Variants in CD163L1 observed in about 807,000 individuals in gnomAD.
CD163L1 encodes scavenger receptor cysteine-rich type 1 protein M160.
In CD163L1, 124 loss-of-function variants were observed where a neutral mutation model predicts 165.4. That is an observed-to-expected ratio of 0.75 (90% confidence interval 0.65 to 0.87). CD163L1 has a LOEUF of 0.87. Ranked by LOEUF, CD163L1 falls within the 40% of genes least tolerant of loss-of-function variation. The pLI is 0.00. For missense variants in CD163L1, 1,525 were observed against 1,799.9 expected (o/e 0.85, Z 2.76); for synonymous variants, 585 against 662.2 (o/e 0.88, Z 1.79).
chr12:7,357,242 T>C (rs926380132), intron 19 of CD163L1, 138 bp downstream of exon 19: 7 of 562,360 alleles, frequency 1.2e-5, no homozygotes, highest in South Asian at 7.1e-5. Context: ...GAGGTTAACA[T>C]AGAATATTTG....
At chr12:7,428,585 C>T (rs1207323628) in intron 4 of CD163L1, among the ~76,000 whole-genome samples, 1 of 152,040 alleles carries the variant, frequency 6.6e-6, no homozygotes, top group East Asian at 1.9e-4. Context: ...TTACCAGCTT[C>T]TGGACTAAAG....
chr12:7,383,046 C>T (rs940702955), intron 8 of CD163L1, among the ~76,000 whole-genome samples: 2 of 152,184 alleles, frequency 1.3e-5, no homozygotes, highest in Non-Finnish European at 2.9e-5. Flanking sequence ...CTGATAGCAA[C>T]CCCACTTCCT....
In CD163L1 at chr12:7,357,483, T is replaced by C. The variant is rs1414167484; in HGVS notation, c.4283A>G (p.Asp1428Gly). The C allele has an allele frequency of 1.9e-6, 3 of 1,612,344 alleles. No homozygotes were observed. Residue 1428 changes from aspartate to glycine, a missense_variant, in exon 19 of 20, where the codon GAC becomes GGC. Physicochemically the swap from Asp to Gly is moderately conservative, Grantham distance 94. Transcript: ENST00000313599. ...ATCTTCACAACCATGGTTGGGGGTG[T>C]CATCTGAAAGAAAGGCAAAATCTGT... is the stretch of plus-strand genomic sequence containing the variant. The part of the protein sequence containing the change: ...EDPHGTRTSD[D>G]TPNHGCEDAS...
chr12:7,409,822 C>A (rs1948098464), intron 4 of CD163L1, among the ~76,000 whole-genome samples: 1 of 152,182 alleles, frequency 6.6e-6, no homozygotes. Context: ...TAAGATTATA[C>A]TACACCTCCA....
At chr12:7,379,501 A>G (rs1454311877) in intron 8 of CD163L1, among the ~76,000 whole-genome samples, 1 of 152,268 alleles carries the variant, frequency 6.6e-6, no homozygotes, top group Non-Finnish European at 1.5e-5. Flanking sequence ...TAAAATAACA[A>G]AAGTACACCA....
At chr12:7,385,354 C>T (rs1465529593) in intron 8 of CD163L1, among the ~76,000 whole-genome samples, 1 of 151,534 alleles carries the variant, frequency 6.6e-6, no homozygotes, top group African/African-American at 2.4e-5. Context: ...AGCACTCAGA[C>T]ATATAAAGCA....
intron 4 of CD163L1, among the ~76,000 whole-genome samples, chr12:7,348,718 AG>A (rs1946687274): frequency 6.6e-6 from 1 of 152,154 alleles, no homozygotes; most frequent in Non-Finnish European, 1.5e-5. Context: ...ACTTAAAACA[AG>A]GCTTTACATA....
the CD163L1 span, chr12:7,323,473 T>G: frequency 6.2e-7 from 1 of 1,613,882 alleles, no homozygotes; most frequent in Admixed American, 1.7e-5. Context: ...TAGATGAAAA[T>G]GGCAATGTTC....
At chr12:7,348,521 T>C (rs1355411983) in intron 4 of CD163L1, among the ~76,000 whole-genome samples, 2 of 152,186 alleles carry the variant, frequency 1.3e-5, no homozygotes, top group African/African-American at 4.8e-5. Context: ...TGCCATTTAG[T>C]ATATAGCTAT....
At chr12:7,421,048 T>TA (rs1491151771) in intron 4 of CD163L1, among the ~76,000 whole-genome samples, 1 of 85,878 alleles carries the variant, frequency 1.2e-5, no homozygotes, top group African/African-American at 7.8e-5. Context: ...TGTATATATA[T>TA]GTATATACGT....
chr12:7,421,458 TATATAC>T lies in CD163L1; in HGVS notation c.766+10952_766+10957del, dbSNP rs1394496272. 2.9e-4 allele frequency among the ~76,000 whole-genome samples: 27 copies of T among 91,862 alleles called. 2 individuals are homozygous for T. The highest frequency in any genetic ancestry group is 1.2e-3 in the African/African-American group (23 of 18,694). The allele number at this position is 91,862 out of a possible 152,430, so 60.3% of individuals were successfully genotyped here. On this transcript the variant is annotated intron_variant, in intron 4 of 19. Transcript: ENST00000313599. ...ATATATACATATACATATATGTACA[TATATAC>T]ATATATATACATATATGTACATATA...
the CD163L1 span, chr12:7,324,742 C>A: frequency 1.2e-6 from 1 of 843,984 alleles, no homozygotes; most frequent in Non-Finnish European, 1.8e-6. Flanking sequence ...AATCAGGCAA[C>A]CAACTTTACA....
intron 8 of CD163L1, among the ~76,000 whole-genome samples, chr12:7,381,507 T>C (rs1477745821): frequency 6.6e-6 from 1 of 152,228 alleles, no homozygotes; most frequent in African/African-American, 2.4e-5. Flanking sequence ...TCTGTGTCTT[T>C]GGAGCTCAGT....
At chr12:7,332,890 A>G in the CD163L1 span, among the ~76,000 whole-genome samples, 2 of 152,248 alleles carry the variant, frequency 1.3e-5, no homozygotes, top group Admixed American at 1.3e-4. Flanking sequence ...GAGCAAAATA[A>G]CCAGCTAACA....
Position 7,374,103 on chromosome 12 carries a change from T to TAAAAC in CD163L1, c.3409+334_3409+338dup, listed in dbSNP as rs886953575. On this transcript the variant is annotated intron_variant, in intron 13 of 19. Transcript: ENST00000313599. The surrounding 1 kb of genome is among the most constrained non-coding windows in gnomAD (Gnocchi z 5.4). ...GCTTCAGGCTACTAAAAGCCTAAAATAAAACAAAACAAAACAACAAAATAA... is the reference window on the plus strand; with the variant it reads ...GCTTCAGGCTACTAAAAGCCTAAAATAAAACAAAACAAAACAAAACAACAAAATAA... Among the ~76,000 whole-genome samples, 7 of 152,024 alleles carry TAAAAC rather than the reference T, an allele frequency of 4.6e-5. No homozygotes were observed. Among genetic ancestry groups the TAAAAC allele is most frequent in the East Asian group, 1.9e-4 (1 of 5,174 alleles).
chr12:7,334,053 C>T, the CD163L1 span, among the ~76,000 whole-genome samples: 5 of 145,808 alleles, frequency 3.4e-5, no homozygotes, highest in South Asian at 6.5e-4. Flanking sequence ...CCGAATTCTA[C>T]CAGAGGTACA....
the CD163L1 span, among the ~76,000 whole-genome samples, chr12:7,338,119 A>G: frequency 0.012 from 1,896 of 152,234 alleles, 36 homozygotes; most frequent in African/African-American, 0.044. Context: ...GAACAATGAG[A>G]ACACATGGAC....
intron 7 of CD163L1, 77 bp from the exon 8 acceptor site, chr12:7,396,492 T>A (rs1485656566): frequency 7.2e-7 from 1 of 1,382,530 alleles, no homozygotes; most frequent in Non-Finnish European, 9.7e-7. Flanking sequence ...TGGACTATGA[T>A]ACCCAGTTAT....
intron 18 of CD163L1, among the ~76,000 whole-genome samples, chr12:7,360,557 A>AT (rs1474570075): frequency 2.6e-5 from 4 of 151,682 alleles, no homozygotes; most frequent in South Asian, 2.1e-4. Flanking sequence ...AAGTTCACTG[A>AT]TTTTTTTCTG....
Sources: gnomAD v4.1 joint callset for allele counts (sites outside exome capture counted in the v4.1 genomes callset) on GRCh38, gnomAD v4.1.1 for gene constraint, Gnocchi (gnomAD v3.1) non-coding constraint, MANE v1.5 for transcripts, NCBI Gene and HGNC (gene_info 2026-07-23, HGNC 2026-07-21) for gene names.